SYNPR: variants seen among roughly 807,000 people sequenced by gnomAD.
SYNPR encodes the protein synaptoporin.
A neutral mutation model predicts 32.9 loss-of-function variants in SYNPR; 23 were observed. That is an observed-to-expected ratio of 0.70 (90% confidence interval 0.50 to 0.99). SYNPR has a LOEUF of 0.99. Among genes scored for constraint, SYNPR ranks in the 50% least tolerant of loss-of-function variants. SYNPR has a pLI of 0.00. For missense variants in SYNPR, 318 were observed against 349.3 expected, an observed-to-expected ratio of 0.91 and a Z score of 0.71; for synonymous variants, 146 against 135.9, an observed-to-expected ratio of 1.07 and a Z score of -0.52.
intron 3 of SYNPR, among the ~76,000 whole-genome samples, chr3:63,553,977 C>A (rs1048136154): frequency 6.6e-6 from 1 of 152,226 alleles, no homozygotes; most frequent in Admixed American, 6.5e-5. Flanking sequence ...CCGTCTTGGC[C>A]TCCCAAAGTG....
intron 3 of SYNPR, among the ~76,000 whole-genome samples, chr3:63,540,521 T>G (rs941606940): frequency 2.0e-5 from 3 of 151,174 alleles, no homozygotes; most frequent in Non-Finnish European, 4.4e-5. Context: ...ATTGATAAAA[T>G]GGAGACATGC....
chr3:63,206,554 G>C, the SYNPR span, among the ~76,000 whole-genome samples: 1 of 151,736 alleles, frequency 6.6e-6, no homozygotes, highest in African/African-American at 2.4e-5. Context: ...GAGTGAGACT[G>C]TGTCTCAAAA....
chr3:63,272,510 ATTT>A (rs35963299), intron 3 of SYNPR, among the ~76,000 whole-genome samples: 7 of 136,298 alleles, frequency 5.1e-5, no homozygotes, highest in Admixed American at 7.4e-5. Context: ...TTCCATGGGC[ATTT>A]TTTTTTTTTT....
intron 2 of SYNPR, among the ~76,000 whole-genome samples, chr3:63,418,241 A>T (rs769948872): frequency 1.3e-5 from 2 of 152,192 alleles, no homozygotes; most frequent in Non-Finnish European, 2.9e-5. Flanking sequence ...GAAAAAGCAT[A>T]GCAAGAGTCA....
chr3:63,476,638 T>C (rs1390498366), intron 2 of SYNPR, among the ~76,000 whole-genome samples: 1 of 152,090 alleles, frequency 6.6e-6, no homozygotes, highest in Admixed American at 6.5e-5. Context: ...TAGAGCTAAT[T>C]AGAATCCTAA....
Position 63,609,280 on chromosome 3 carries a change from C to G in SYNPR, c.564C>G (p.Ile188Met). The change falls in exon 5 of 6, where the codon ATC becomes ATG. Residue 188 changes from isoleucine (I) to methionine (M), a missense_variant. Coordinates refer to ENST00000478300, the MANE Select transcript of SYNPR (RefSeq NM_001130003.2). ...AGCCATCCAACAAATGCATGGCTAT[C>G]CACAGCCCTGTTATGTCAAGCTTAA... ...CKQPSNKCMA[I>M]HSPVMSSLNT... 1.2e-6 allele frequency: 2 copies of G among 1,600,086 alleles called. No homozygotes were observed. The highest frequency in any genetic ancestry group is 1.7e-6 in the Non-Finnish European group (2 of 1,172,786).
At chr3:63,356,041 T>C (rs1347420370) in intron 2 of SYNPR, among the ~76,000 whole-genome samples, 2 of 152,226 alleles carry the variant, frequency 1.3e-5, no homozygotes. Flanking sequence ...TACTCATCCT[T>C]GGCCTTAGCT....
intron 2 of SYNPR, among the ~76,000 whole-genome samples, chr3:63,426,155 T>G (rs1252050787): frequency 6.6e-6 from 1 of 152,168 alleles, no homozygotes; most frequent in African/African-American, 2.4e-5. Flanking sequence ...AGTATGCCCA[T>G]TATGTGGATG....
chr3:63,517,632 A>G (rs1324283843), intron 3 of SYNPR, among the ~76,000 whole-genome samples: 4 of 152,190 alleles, frequency 2.6e-5, no homozygotes, highest in African/African-American at 9.7e-5. Context: ...TAAGAATCTG[A>G]GAAAAGCTTT....
At chr3:63,469,657 A>G (rs1461477535) in intron 2 of SYNPR, among the ~76,000 whole-genome samples, 1 of 152,194 alleles carries the variant, frequency 6.6e-6, no homozygotes, top group Admixed American at 6.5e-5. Context: ...CTTTAAAGGT[A>G]ATTATTCCTA....
intron 2 of SYNPR, among the ~76,000 whole-genome samples, chr3:63,398,677 C>T (rs2088250510): frequency 6.6e-6 from 1 of 151,626 alleles, no homozygotes. Context: ...TGAGATCACA[C>T]CACTGTACTC....
At chr3:63,328,702 TC>T (rs1298312179) in intron 2 of SYNPR, among the ~76,000 whole-genome samples, 2 of 152,154 alleles carry the variant, frequency 1.3e-5, no homozygotes, top group Non-Finnish European at 2.9e-5. Flanking sequence ...TGATGTGACC[TC>T]AGAGGAACCT....
intron 1 of SYNPR, among the ~76,000 whole-genome samples, chr3:63,229,156 T>C (rs189867432): frequency 6.6e-6 from 1 of 152,264 alleles, no homozygotes; most frequent in East Asian, 1.9e-4. Context: ...GGCAAAAAAC[T>C]TGACTTCCCT....
At chr3:63,413,158 A>G (rs935459061) in intron 2 of SYNPR, among the ~76,000 whole-genome samples, 2 of 152,252 alleles carry the variant, frequency 1.3e-5, no homozygotes, top group East Asian at 1.9e-4. Flanking sequence ...GTTAGAAACC[A>G]TAAAATAACC....
At chr3:63,445,589 T>C (rs1226240168) in intron 2 of SYNPR, 5 of 700,084 alleles carry the variant, frequency 7.1e-6, no homozygotes, top group East Asian at 5.4e-5. Flanking sequence ...AAGTACATCC[T>C]ATATGCCTGG....
intron 2 of SYNPR, among the ~76,000 whole-genome samples, chr3:63,305,173 A>G (rs139646781): frequency 6.6e-6 from 1 of 152,098 alleles, no homozygotes; most frequent in Non-Finnish European, 1.5e-5. Flanking sequence ...CCAGGGAGGG[A>G]ATGAGCCTAT....
intron 2 of SYNPR, among the ~76,000 whole-genome samples, chr3:63,280,266 A>G (rs2086616142): frequency 6.6e-6 from 1 of 152,200 alleles, no homozygotes; most frequent in Non-Finnish European, 1.5e-5. Context: ...CTATATAAAA[A>G]GGTGTTTGTT....
At chr3:63,270,025 A>G (rs371936719) in intron 3 of SYNPR, among the ~76,000 whole-genome samples, 10 of 152,326 alleles carry the variant, frequency 6.6e-5, no homozygotes, top group African/African-American at 2.4e-4. Flanking sequence ...AGGATTATAA[A>G]TGCTTAAATA....
chr3:63,206,921 T>C, the SYNPR span, among the ~76,000 whole-genome samples: 2 of 152,222 alleles, frequency 1.3e-5, no homozygotes, highest in Admixed American at 6.5e-5. Context: ...GTTGTTGTTA[T>C]GGCTATTATC....
Sources: allele counts gnomAD v4.1 joint callset (sites outside exome capture counted in the v4.1 genomes callset), GRCh38; gene constraint gnomAD v4.1.1; transcripts MANE v1.5; gene names NCBI Gene and HGNC (gene_info 2026-07-23, HGNC 2026-07-21).